IRX1: variants seen among roughly 807,000 people sequenced by gnomAD.
The protein encoded by IRX1 is iroquois homeobox 1.
A neutral mutation model predicts 34.1 loss-of-function variants in IRX1; 22 were observed. That is an observed-to-expected ratio of 0.64 (90% confidence interval 0.46 to 0.92). The LOEUF is 0.92. Among genes scored for constraint, IRX1 ranks in the 40% least tolerant of loss-of-function variants. The pLI, the probability that IRX1 is intolerant of heterozygous loss-of-function variation, is 0.00. For synonymous variants in IRX1, 363 were observed against 319.0 expected, an observed-to-expected ratio of 1.14 and a Z score of -1.47; for missense variants, 758 against 680.0, an observed-to-expected ratio of 1.11 and a Z score of -1.28.
rs374378693 is a variant in IRX1 at position 3,600,148 on chromosome 5, G to T, written c.1200G>T (p.Ala400=). ...TGGGCGTTGGCGCTCCCCACGCCGC[G>T]CCCCATGGCCCTCACCTTCCTGCAC... ...SFLGVGAPHA[A]PHGPHLPAPP... The change falls in exon 2 of 4, where the codon GCG becomes GCT. Residue 400 remains alanine, a synonymous_variant. Coordinates refer to ENST00000302006, the MANE Select transcript of IRX1 (RefSeq NM_024337.4). 9.5e-5 allele frequency: 153 copies of T among 1,612,994 alleles called. No individual in the cohort carries two copies. The highest frequency in any genetic ancestry group is 1.2e-4 in the Non-Finnish European group (143 of 1,179,896).
At position 3,596,242 on chromosome 5, in the gene IRX1, C is replaced by G. The variant is rs771650732; in HGVS notation, c.137C>G (p.Ala46Gly). The G allele has an allele frequency of 4.2e-6, 5 of 1,181,184 alleles. No homozygotes were observed. The highest frequency in any genetic ancestry group is 4.6e-5 in the Admixed American group (1 of 21,644). 73.2% of individuals were successfully genotyped at this position (1,181,184 alleles called of 1,614,324 possible). A position where few individuals can be genotyped will look rare whatever the true frequency, so the allele number is the denominator to read the frequency against. ...GCCTCGTCGGGCCGACCGGGGGCCGCGGAGCTGGGCGGCGGGGCAGGCGCG... is the reference window on the plus strand; with the variant it reads ...GCCTCGTCGGGCCGACCGGGGGCCGGGGAGCTGGGCGGCGGGGCAGGCGCG... ...AAASSGRPGA[A>G]ELGGGAGAAA... The change falls in exon 1 of 4, where the codon GCG (alanine) becomes GGG (glycine). Residue 46 changes from alanine to glycine, a missense_variant. By Grantham distance (60) the Ala-to-Gly change is moderately conservative (BLOSUM62 0). This residue lies in a region of IRX1 where 195 missense variants were observed against 195.0 expected (regional missense o/e 1.00). Transcript: ENST00000302006.
chr5:3,600,947 C>T, intron 3 of IRX1, 36 bp from the exon 4 acceptor site: 1 of 1,606,066 alleles, frequency 6.2e-7, no homozygotes, highest in African/African-American at 1.3e-5. Context: ...ACTCACAGTG[C>T]CCCTGTCTTC....
In IRX1 at chr5:3,600,966, C is replaced by T. The variant is rs535264264; in HGVS notation, c.1386-17C>T. 1.8e-5 allele frequency: 29 copies of T among 1,613,228 alleles called. No individual in the cohort carries two copies. The African/African-American group carries it at 2.5e-4, about 14-fold the overall frequency. ...ACAGTGCCCCTGTCTTCTTGTCTCG[C>T]TGTGTTTCCCATGCAGCTCTCTGGC... On this transcript the variant is annotated splice_polypyrimidine_tract_variant and intron_variant, in intron 3 of 3. Transcript: ENST00000302006.
chr5:3,597,677 C>A (rs939196464), intron 1 of IRX1, among the ~76,000 whole-genome samples: 6 of 152,178 alleles, frequency 3.9e-5, no homozygotes, highest in Non-Finnish European at 5.9e-5. Flanking sequence ...ACAATTACAA[C>A]CAAAATAATT....
At chr5:3,596,544 G>T (rs928044625) in intron 1 of IRX1, among the ~76,000 whole-genome samples, 163 bp downstream of exon 1, 13 of 151,770 alleles carry the variant, frequency 8.6e-5, no homozygotes, top group Admixed American at 3.3e-4. Context: ...GGCCCCCGGG[G>T]ACGCAAGAGG....
At position 3,601,031 on chromosome 5, in the gene IRX1, G is replaced by T; in HGVS notation, c.1434G>T (p.Pro478=). 6.2e-7 allele frequency: 1 copy of T among 1,612,566 alleles called. No individual in the cohort carries two copies. The highest frequency in any genetic ancestry group is 8.5e-7 in the Non-Finnish European group (1 of 1,179,312). Reference sequence around the variant, plus strand: ...CGCCGCGGATCCTAGCAGCCCTCCCGTCCGCCTGATTAAGGGTCTTCTTTT... The same window carrying T: ...CGCCGCGGATCCTAGCAGCCCTCCCTTCCGCCTGATTAAGGGTCTTCTTTT... The part of the protein sequence containing the change: ...EGTPRILAAL[P]SA Residue 478 remains proline (P), a synonymous_variant, in exon 4 of 4, where the codon CCG becomes CCT. Transcript: ENST00000302006.
In IRX1 at chr5:3,600,868, G is replaced by T. The variant is rs932773684; in HGVS notation, c.1386-115G>T. ...TGGAGTTTCTCCCCAGCCGGGAGCC[G>T]CGCTGGCTGTCGACCCCGCCCCCAG... On this transcript the variant is annotated intron_variant, in intron 3 of 3. Transcript: ENST00000302006. 8.8e-6 allele frequency: 11 copies of T among 1,255,348 alleles called. No homozygotes were observed. In the African/African-American group the frequency reaches 8.9e-5, roughly 10 times the overall value. The allele number at this position is 1,255,348 out of a possible 1,614,324, so 77.8% of individuals were successfully genotyped here.
intron 1 of IRX1, among the ~76,000 whole-genome samples, chr5:3,598,977 G>A (rs1357680755): frequency 6.6e-6 from 1 of 152,092 alleles, no homozygotes; most frequent in African/African-American, 2.4e-5. Context: ...CTCCACTGTC[G>A]GTGAAAGGGC....
chr5:3,600,242 A>G lies in IRX1; in HGVS notation c.1294A>G (p.Ser432Gly). The change falls in exon 2 of 4, where the codon AGC becomes GGC. Residue 432 changes from serine to glycine, a missense_variant. By Grantham distance (56) the Ser-to-Gly change is moderately conservative (BLOSUM62 0). This residue lies in a region of IRX1 where 529 missense variants were observed against 418.8 expected (regional missense o/e 1.26). Coordinates refer to ENST00000302006, the MANE Select transcript of IRX1 (RefSeq NM_024337.4). ...CAATGGAGACAAGGCCTCGGTCCGCAGCAGCCCCACGCTCCCAGGTACAGC... is the reference window on the plus strand; with the variant it reads ...CAATGGAGACAAGGCCTCGGTCCGCGGCAGCCCCACGCTCCCAGGTACAGC... ...ALNGDKASVRSSPTLPERDLV... is the reference protein window; with the variant it reads ...ALNGDKASVRGSPTLPERDLV... 6.3e-7 allele frequency: 1 copy of G among 1,598,718 alleles called. No homozygotes were observed. The highest frequency in any genetic ancestry group is 8.5e-7 in the Non-Finnish European group (1 of 1,175,064).
In IRX1 at chr5:3,599,570, A is replaced by G; in HGVS notation, c.622A>G (p.Ser208Gly). Residue 208 changes from serine to glycine, a missense_variant, in exon 2 of 4, where the codon AGC becomes GGC. This residue lies in a region of IRX1 where 529 missense variants were observed against 418.8 expected (regional missense o/e 1.26). Transcript: ENST00000302006. This position sits in a 1 kb window ranked among gnomAD's most constrained non-coding sequence, Gnocchi z 6.6. The part of the protein sequence containing the change: ...KDQEDGALFG[S>G]DTEGDPEKAE... ...CCAGGAAGATGGAGCGCTCTTCGGC[A>G]GCGACACCGAGGGCGACCCGGAGAA... The G allele has an allele frequency of 6.2e-7, 1 of 1,614,080 alleles. No homozygotes were observed.
chr5:3,600,948 C>T (rs1733950202), intron 3 of IRX1, 35 bp from the exon 4 acceptor site: 2 of 1,608,314 alleles, frequency 1.2e-6, no homozygotes, highest in African/African-American at 1.3e-5. Context: ...CTCACAGTGC[C>T]CCTGTCTTCT....
rs371034784 is a variant in IRX1, at chr5:3,596,423, C to G, written c.276+42C>G. The G allele has an allele frequency of 2.3e-3, 3,331 of 1,428,204 alleles. 4 individuals are homozygous for G. Among genetic ancestry groups the G allele is most frequent in the Non-Finnish European group, 2.8e-3 (3,074 of 1,088,108 alleles). The allele number at this position is 1,428,204 out of a possible 1,614,324, so 88.5% of individuals were successfully genotyped here. ...TCCCCCGCTTCTCCTCTGTCTCACC[C>G]GCGCCAGGGCAAGGGTGGCGGGTCG... On this transcript the variant is annotated intron_variant, in intron 1 of 3. Coordinates refer to ENST00000302006, the MANE Select transcript of IRX1 (RefSeq NM_024337.4).
chr5:3,596,058 C>T lies in IRX1; in HGVS notation c.-48C>T. 3.8e-6 allele frequency: 4 copies of T among 1,040,236 alleles called. No individual in the cohort carries two copies. Among genetic ancestry groups the T allele is most frequent in the Non-Finnish European group, 4.6e-6 (4 of 864,726 alleles). The allele number at this position is 1,040,236 out of a possible 1,614,324, so 64.4% of individuals were successfully genotyped here. A position where few individuals can be genotyped will look rare whatever the true frequency, so the allele number is the denominator to read the frequency against. ...CTCCGGCCGGCCTCCGCCTCCCTCC[C>T]CGCGCCTTTAATACTCGCCCGCTGC... On this transcript the variant is annotated 5_prime_UTR_variant, in exon 1 of 4. Coordinates refer to ENST00000302006, the MANE Select transcript of IRX1 (RefSeq NM_024337.4).
chr5:3,600,911 C>T, intron 3 of IRX1, 72 bp from the exon 4 acceptor site: 3 of 1,492,154 alleles, frequency 2.0e-6, no homozygotes, highest in Non-Finnish European at 2.8e-6. Flanking sequence ...CTACTGGAAC[C>T]GGCGTCGCCC....
Position 3,601,166 on chromosome 5 carries a change from A to G in IRX1, c.*126A>G. 2 of 906,702 alleles carry G rather than the reference A, an allele frequency of 2.2e-6. No individual in the cohort carries two copies. Among genetic ancestry groups the G allele is most frequent in the South Asian group, 3.0e-5 (2 of 66,886 alleles). The allele number at this position is 906,702 out of a possible 1,614,324, so 56.2% of individuals were successfully genotyped here. A position where few individuals can be genotyped will look rare whatever the true frequency, so the allele number is the denominator to read the frequency against. ...GACAAATATGACAACGACGTCAAGG[A>G]CTCGCATCCGTCGCTTTCTGCAGAA... On this transcript the variant is annotated 3_prime_UTR_variant, in exon 4 of 4. Transcript: ENST00000302006.
intron 2 of IRX1, 86 bp downstream of exon 2, chr5:3,600,346 C>G (rs1733931031): frequency 7.7e-7 from 1 of 1,301,982 alleles, no homozygotes; most frequent in African/African-American, 1.5e-5. Flanking sequence ...GCAGCATGAG[C>G]CGGGAGGGTA....
intron 1 of IRX1, among the ~76,000 whole-genome samples, 181 bp downstream of exon 1, chr5:3,596,562 G>A (rs996690813): frequency 2.0e-5 from 3 of 152,174 alleles, no homozygotes; most frequent in Non-Finnish European, 4.4e-5. Context: ...AGGGCTGGGA[G>A]GCCGGGCGGG....
chr5:3,600,718 TGGGGAGG>T, intron 3 of IRX1, 37 bp downstream of exon 3: 1 of 1,289,982 alleles, frequency 7.8e-7, no homozygotes, highest in Non-Finnish European at 1.1e-6. Flanking sequence ...GAGAAGGCGG[TGGGGAGG>T]GGGGAGGAGG....
chr5:3,596,586 A>G (rs1335299854), intron 1 of IRX1, among the ~76,000 whole-genome samples: 1 of 152,104 alleles, frequency 6.6e-6, no homozygotes, highest in African/African-American at 2.4e-5. Context: ...CGGCTGGGCC[A>G]TCTCGGCCTG....
Sources: allele counts gnomAD v4.1 joint callset (sites outside exome capture counted in the v4.1 genomes callset), GRCh38; gene constraint gnomAD v4.1.1; regional missense constraint gnomAD v4.1.1; non-coding constraint Gnocchi (gnomAD v3.1); transcripts MANE v1.5; gene names NCBI Gene and HGNC (gene_info 2026-07-23, HGNC 2026-07-21).